Variants in TMEM266 observed in about 807,000 individuals in gnomAD.
The protein encoded by TMEM266 is transmembrane protein 266.
A neutral mutation model predicts 50.5 loss-of-function variants in TMEM266; 33 were observed. The observed-to-expected ratio is 0.65, with a 90% CI of 0.50 to 0.87. The LOEUF (loss-of-function observed/expected upper bound fraction) is 0.87. Among genes scored for constraint, TMEM266 ranks in the 40% least tolerant of loss-of-function variants. TMEM266 has a pLI of 0.00. For synonymous variants in TMEM266, 310 were observed against 292.3 expected (o/e 1.06, Z -0.62); for missense variants, 655 against 695.1 (o/e 0.94, Z 0.65).
intron 1 of TMEM266, among the ~76,000 whole-genome samples, chr15:76,116,971 C>T (rs1245243126): frequency 1.3e-5 from 2 of 148,966 alleles, no homozygotes; most frequent in Non-Finnish European, 3.0e-5. Context: ...ATGATCTCGG[C>T]TCACTGCAAC....
At chr15:76,151,238 G>A (rs980109125) in intron 3 of TMEM266, among the ~76,000 whole-genome samples, 3 of 152,304 alleles carry the variant, frequency 2.0e-5, no homozygotes, top group South Asian at 2.1e-4. Flanking sequence ...AACAGTCAAC[G>A]CTGATTTCCC....
chr15:76,203,178 C>A (rs1465943424), intron 10 of TMEM266, among the ~76,000 whole-genome samples: 1 of 152,164 alleles, frequency 6.6e-6, no homozygotes, highest in East Asian at 1.9e-4. Context: ...AGCCCCCACC[C>A]CTGCCAGTCC....
intron 1 of TMEM266, among the ~76,000 whole-genome samples, chr15:76,071,297 T>A (rs917873867): frequency 5.3e-5 from 8 of 152,166 alleles, no homozygotes; most frequent in Admixed American, 3.3e-4. Context: ...TATTCCCACC[T>A]TCTGCAGAGG....
rs1037960334 is a variant in TMEM266, at chr15:76,139,517, C to T, written c.227+1622C>T. On this transcript the variant is annotated intron_variant, in intron 3 of 10. Coordinates refer to ENST00000388942, the MANE Select transcript of TMEM266 (RefSeq NM_152335.3). This position sits in a 1 kb window ranked among gnomAD's most constrained non-coding sequence, Gnocchi z 4.1. ...TGACCTGTGCGGTAGCGCAGAGCCC[C>T]GTACTTAGAAGGGTCCCAACACTTG... Among the ~76,000 whole-genome samples, 14 of 152,168 alleles carry T rather than the reference C, an allele frequency of 9.2e-5. No individual in the cohort carries two copies. The highest frequency in any genetic ancestry group is 3.1e-4 in the African/African-American group (13 of 41,430).
intron 5 of TMEM266, among the ~76,000 whole-genome samples, chr15:76,169,354 G>C (rs1360207323): frequency 6.6e-6 from 1 of 152,044 alleles, no homozygotes; most frequent in Admixed American, 6.6e-5. Context: ...AGTGGAGAAG[G>C]GAGTCAACTG....
At chr15:76,183,915 AGGT>A (rs1451760532) in intron 8 of TMEM266, among the ~76,000 whole-genome samples, 2 of 152,114 alleles carry the variant, frequency 1.3e-5, no homozygotes, top group Non-Finnish European at 2.9e-5. Flanking sequence ...CAGACGTGGG[AGGT>A]GGTGGGTGGT....
chr15:76,150,201 A>G (rs1225127659), intron 3 of TMEM266, among the ~76,000 whole-genome samples: 1 of 152,172 alleles, frequency 6.6e-6, no homozygotes, highest in African/African-American at 2.4e-5. Flanking sequence ...GTAAGGGCAT[A>G]GCTTGTATCC....
chr15:76,106,920 T>G (rs2142008067), intron 1 of TMEM266, among the ~76,000 whole-genome samples: 1 of 152,364 alleles, frequency 6.6e-6, no homozygotes, highest in Non-Finnish European at 1.5e-5. Flanking sequence ...GTTGTGTTCT[T>G]TCCTGCTTCT....
intron 1 of TMEM266, among the ~76,000 whole-genome samples, chr15:76,083,775 A>T (rs2955736): frequency 6.6e-6 from 1 of 152,044 alleles, no homozygotes; most frequent in Admixed American, 6.5e-5. Context: ...TTAATTCACC[A>T]TTCTGTGTAC....
intron 8 of TMEM266, chr15:76,181,532 C>T (rs562815498): frequency 7.2e-5 from 11 of 152,262 alleles, no homozygotes; most frequent in Admixed American, 2.0e-4. Context: ...TTCCTCAATT[C>T]CTTAGGTGGA....
intron 8 of TMEM266, among the ~76,000 whole-genome samples, chr15:76,176,654 G>A (rs1003433246): frequency 1.8e-4 from 28 of 152,212 alleles, no homozygotes; most frequent in African/African-American, 6.3e-4. Context: ...AGGGCCAGGC[G>A]AGTTCTTCAC....
chr15:76,184,518 T>C (rs572483452), intron 8 of TMEM266, among the ~76,000 whole-genome samples: 5 of 152,332 alleles, frequency 3.3e-5, no homozygotes, highest in Admixed American at 2.0e-4. Flanking sequence ...GAAATAAACA[T>C]TGGATGCTAT....
chr15:76,110,066 C>A (rs1400668702), intron 1 of TMEM266, among the ~76,000 whole-genome samples: 1 of 152,032 alleles, frequency 6.6e-6, no homozygotes, highest in Admixed American at 6.6e-5. Flanking sequence ...ATGGCGCGAT[C>A]TCAGCTCACT....
At chr15:76,105,852 A>G (rs2935974) in intron 1 of TMEM266, among the ~76,000 whole-genome samples, 111,293 of 151,698 alleles carry the variant, frequency 0.73, 41,217 homozygotes, top group Admixed American at 0.83. Flanking sequence ...TACATTATAG[A>G]CAGTGTTCCC....
chr15:76,096,017 A>G (rs1323058302), intron 1 of TMEM266, among the ~76,000 whole-genome samples: 1 of 151,830 alleles, frequency 6.6e-6, no homozygotes, highest in African/African-American at 2.4e-5. Flanking sequence ...CTTCTTTATT[A>G]GTCTGGCTAG....
chr15:76,198,516 G>A (rs1205434059), intron 9 of TMEM266, among the ~76,000 whole-genome samples: 2 of 152,338 alleles, frequency 1.3e-5, no homozygotes, highest in South Asian at 2.1e-4. Flanking sequence ...CAGTCTCTCT[G>A]TAGGAGGAAC....
At chr15:76,141,501 A>G (rs1289772136) in intron 3 of TMEM266, among the ~76,000 whole-genome samples, 2 of 152,090 alleles carry the variant, frequency 1.3e-5, no homozygotes, top group East Asian at 3.9e-4. Flanking sequence ...TGCATCCTAA[A>G]GTGTTGGGAT....
rs187809428 is a variant in TMEM266, at chr15:76,089,312, C to T, written c.-97+29296C>T. On this transcript the variant is annotated intron_variant, in intron 1 of 10. Coordinates refer to ENST00000388942, the MANE Select transcript of TMEM266 (RefSeq NM_152335.3). ...GGTTCATGCCATTCTCCTGCCTCAG[C>T]CTTTCAAGTAGCTGGATCTACAGGC... Among the ~76,000 whole-genome samples, 131 of 151,818 alleles carry T rather than the reference C, an allele frequency of 8.6e-4. 1 individual carries two copies. Among genetic ancestry groups the T allele is most frequent in the African/African-American group, 3.0e-3 (126 of 41,430 alleles).
chr15:76,193,800 G>A (rs1021901831), intron 9 of TMEM266, among the ~76,000 whole-genome samples: 1 of 152,206 alleles, frequency 6.6e-6, no homozygotes. Context: ...CGCACAGGCA[G>A]TGCCATCCCA....
Sources: allele counts gnomAD v4.1 joint callset (sites outside exome capture counted in the v4.1 genomes callset), GRCh38; gene constraint gnomAD v4.1.1; non-coding constraint Gnocchi (gnomAD v3.1); transcripts MANE v1.5; gene names NCBI Gene and HGNC (gene_info 2026-07-23, HGNC 2026-07-21).